The following DAB1 variants were observed in gnomAD, a reference collection of about 807,000 sequenced individuals.
DAB1 encodes the protein DAB adaptor protein 1.
In DAB1, 15 loss-of-function variants were observed where a neutral mutation model predicts 64.6. The ratio of observed to expected loss-of-function variants is 0.23; its 90% CI spans 0.16 to 0.36. The LOEUF is 0.36. Among genes scored for constraint, DAB1 ranks in the 10% least tolerant of loss-of-function variants. The pLI is 1.00. For synonymous variants in DAB1, 235 were observed against 251.9 expected (o/e 0.93, Z 0.64); for missense variants, 596 against 706.7 (o/e 0.84, Z 1.78).
intron 6 of DAB1, among the ~76,000 whole-genome samples, chr1:57,820,125 C>T (rs924537184): frequency 6.6e-6 from 1 of 152,188 alleles, no homozygotes; most frequent in South Asian, 2.1e-4. Flanking sequence ...GTCAAACTAG[C>T]CCTGCTGTAG....
intron 5 of DAB1, among the ~76,000 whole-genome samples, chr1:58,029,449 A>G (rs1646940628): frequency 6.6e-6 from 1 of 152,232 alleles, no homozygotes; most frequent in Admixed American, 6.5e-5. Flanking sequence ...AGCAGTGCGG[A>G]TATTGACGAA....
chr1:58,421,404 A>C (rs1226048985), intron 3 of DAB1, among the ~76,000 whole-genome samples: 1 of 152,240 alleles, frequency 6.6e-6, no homozygotes, highest in Non-Finnish European at 1.5e-5. Flanking sequence ...AGTCCACTCC[A>C]GCTCTGGAGC....
chr1:57,056,941 G>A (rs559253183), intron 9 of DAB1, among the ~76,000 whole-genome samples: 2 of 152,112 alleles, frequency 1.3e-5, no homozygotes, highest in South Asian at 4.1e-4. Flanking sequence ...GCTGAAGACA[G>A]AAAATAACAT....
intron 7 of DAB1, among the ~76,000 whole-genome samples, chr1:57,624,871 C>T (rs566783368): frequency 6.6e-6 from 1 of 152,314 alleles, no homozygotes; most frequent in East Asian, 1.9e-4. Flanking sequence ...CCTTCTTTCT[C>T]TAATGAATTG....
intron 7 of DAB1, among the ~76,000 whole-genome samples, chr1:57,578,286 A>G (rs995577252): frequency 1.3e-5 from 2 of 152,172 alleles, no homozygotes; most frequent in African/African-American, 4.8e-5. Flanking sequence ...AAGCATGTCC[A>G]CTGTGCAGGT....
intron 6 of DAB1, among the ~76,000 whole-genome samples, chr1:57,750,361 C>T (rs1648498642): frequency 6.6e-6 from 1 of 152,142 alleles, no homozygotes; most frequent in Non-Finnish European, 1.5e-5. Context: ...TTGTTACAGA[C>T]ATTTTGATGC....
At chr1:57,655,390 T>C (rs1408147037) in intron 6 of DAB1, among the ~76,000 whole-genome samples, 2 of 152,116 alleles carry the variant, frequency 1.3e-5, no homozygotes, top group Non-Finnish European at 2.9e-5. Flanking sequence ...CATCCATTCA[T>C]CCTCCACTCT....
chr1:58,134,169 T>C (rs1448738610), intron 5 of DAB1, among the ~76,000 whole-genome samples: 1 of 152,192 alleles, frequency 6.6e-6, no homozygotes, highest in Non-Finnish European at 1.5e-5. Context: ...TTTCTCACAG[T>C]TCTGAACGTT....
intron 7 of DAB1, among the ~76,000 whole-genome samples, chr1:57,466,681 TA>T (rs1686964222): frequency 6.6e-6 from 1 of 152,192 alleles, no homozygotes; most frequent in Non-Finnish European, 1.5e-5. Flanking sequence ...GCTGGGCTCT[TA>T]ACTGGAGGCC....
chr1:57,850,906 C>CT (rs1557516198), intron 1 of DAB1, among the ~76,000 whole-genome samples: 1 of 152,148 alleles, frequency 6.6e-6, no homozygotes, highest in African/African-American at 2.4e-5. Flanking sequence ...TCGCCCATTC[C>CT]TTTTCATTTC....
At chr1:58,095,550 T>C (rs1375708950) in intron 5 of DAB1, among the ~76,000 whole-genome samples, 1 of 152,136 alleles carries the variant, frequency 6.6e-6, no homozygotes, top group Non-Finnish European at 1.5e-5. Flanking sequence ...AGATTATAAT[T>C]TCCTGGAGGG....
In DAB1 at chr1:58,408,108, A is replaced by G. The variant is rs1305619664; in HGVS notation, n.258-64705T>C. 2.0e-5 allele frequency among the ~76,000 whole-genome samples: 3 copies of G among 152,124 alleles called. No individual in the cohort carries two copies. In the East Asian group the frequency reaches 5.8e-4, roughly 29 times the overall value. ...ATGCATTTCTCCAGCCCCATTCCAG[A>G]CCCACTGAATAGAAACTCCAGAGGA... On this transcript the variant is annotated intron_variant and non_coding_transcript_variant, in intron 3 of 20. Transcript: ENST00000485760.
intron 4 of DAB1, among the ~76,000 whole-genome samples, chr1:57,085,212 C>T (rs1307202452): frequency 6.6e-6 from 1 of 152,148 alleles, no homozygotes; most frequent in African/African-American, 2.4e-5. Context: ...GGCTGATGGC[C>T]AGTCTGATGC....
intron 11 of DAB1, among the ~76,000 whole-genome samples, chr1:57,022,278 G>A (rs1050891970): frequency 1.3e-5 from 2 of 152,190 alleles, no homozygotes; most frequent in Admixed American, 6.5e-5. Context: ...AAGCATAGAA[G>A]GGTGGTGCAT....
At chr1:57,523,189 G>C (rs763412272) in intron 7 of DAB1, among the ~76,000 whole-genome samples, 2 of 152,046 alleles carry the variant, frequency 1.3e-5, no homozygotes, top group Non-Finnish European at 2.9e-5. Flanking sequence ...CCCCTTCCCT[G>C]TCTGTTATCA....
chr1:57,505,687 T>C (rs1338724537), intron 7 of DAB1, among the ~76,000 whole-genome samples: 1 of 152,220 alleles, frequency 6.6e-6, no homozygotes. Flanking sequence ...CTTCTTTTTC[T>C]TGAGACAGGG....
At chr1:58,026,415 C>T (rs1481484544) in intron 5 of DAB1, among the ~76,000 whole-genome samples, 1 of 151,980 alleles carries the variant, frequency 6.6e-6, no homozygotes, top group Middle Eastern at 3.2e-3. Flanking sequence ...ATTTTTTCAT[C>T]CCTGAGTGAG....
downstream of DAB1, among the ~76,000 whole-genome samples, chr1:57,825,210 T>C (rs1652291519): frequency 6.6e-6 from 1 of 151,890 alleles, no homozygotes; most frequent in Non-Finnish European, 1.5e-5. Flanking sequence ...AGTCAGAGTT[T>C]AGGGCCCCTA....
chr1:58,196,769 C>T (rs572548708), intron 4 of DAB1, among the ~76,000 whole-genome samples: 3 of 152,258 alleles, frequency 2.0e-5, no homozygotes, highest in South Asian at 2.1e-4. Context: ...GAGAGCAGCA[C>T]GGGGGAAACC....
Sources: gnomAD v4.1 joint callset for allele counts (sites outside exome capture counted in the v4.1 genomes callset) on GRCh38, gnomAD v4.1.1 for gene constraint, MANE v1.5 for transcripts, NCBI Gene and HGNC (gene_info 2026-07-23, HGNC 2026-07-21) for gene names.